The following WWOX variants were observed in gnomAD, a reference collection of about 807,000 sequenced individuals.
The protein encoded by WWOX is WW domain containing oxidoreductase.
In WWOX, 69 loss-of-function variants were observed where a neutral mutation model predicts 46.2. The ratio of observed to expected loss-of-function variants is 1.49; its 90% CI spans 1.23 to 1.82. WWOX has a LOEUF of 1.82. WWOX is among the 40% of genes most tolerant of loss of function. WWOX has a pLI of 0.00. For synonymous variants in WWOX, 359 were observed against 202.6 expected (o/e 1.77, Z -6.56); for missense variants, 919 against 542.6 (o/e 1.69, Z -6.89).
At chr16:78,770,895 A>C (rs1325779685) in intron 8 of WWOX, among the ~76,000 whole-genome samples, 1 of 152,232 alleles carries the variant, frequency 6.6e-6, no homozygotes, top group Admixed American at 6.5e-5. Flanking sequence ...GCTATGGGAA[A>C]ATAGGCAGAG....
intron 8 of WWOX, among the ~76,000 whole-genome samples, chr16:78,638,171 T>C (rs557734510): frequency 6.6e-6 from 1 of 152,322 alleles, no homozygotes; most frequent in South Asian, 2.1e-4. Context: ...TTATTTTACA[T>C]GACAGTTTAA....
At chr16:78,664,518 G>C (rs2047286292) in intron 8 of WWOX, among the ~76,000 whole-genome samples, 1 of 152,194 alleles carries the variant, frequency 6.6e-6, no homozygotes, top group African/African-American at 2.4e-5. Flanking sequence ...CCTCTCACTA[G>C]CAGGGATTCC....
chr16:78,211,326 A>C (rs558226626), intron 5 of WWOX, among the ~76,000 whole-genome samples: 1 of 152,234 alleles, frequency 6.6e-6, no homozygotes, highest in East Asian at 1.9e-4. Flanking sequence ...GGCTTTGAAG[A>C]GCTCTTTTCA....
At chr16:78,926,364 C>T (rs2045497922) in intron 8 of WWOX, among the ~76,000 whole-genome samples, 1 of 72,688 alleles carries the variant, frequency 1.4e-5, no homozygotes, top group Non-Finnish European at 2.6e-5. Context: ...CAGTGAGACC[C>T]TATCTCAAAA....
chr16:78,361,645 C>T (rs1211582359), intron 5 of WWOX, among the ~76,000 whole-genome samples: 2 of 152,038 alleles, frequency 1.3e-5, no homozygotes, highest in African/African-American at 2.4e-5. Flanking sequence ...AAGTTTCACT[C>T]CTGTCGCCCA....
intron 8 of WWOX, among the ~76,000 whole-genome samples, chr16:78,710,204 C>G (rs1350260423): frequency 6.6e-6 from 1 of 151,874 alleles, no homozygotes; most frequent in South Asian, 2.1e-4. Flanking sequence ...TCAAATCACC[C>G]AGTGGCGTGC....
chr16:78,464,642 G>C (rs1270707635), intron 8 of WWOX, among the ~76,000 whole-genome samples: 1 of 152,120 alleles, frequency 6.6e-6, no homozygotes, highest in Non-Finnish European at 1.5e-5. Context: ...GTCTGCTTTT[G>C]CCCCTCTGTA....
intron 8 of WWOX, among the ~76,000 whole-genome samples, chr16:79,132,983 G>A (rs1041019869): frequency 6.6e-6 from 1 of 152,148 alleles, no homozygotes; most frequent in African/African-American, 2.4e-5. Flanking sequence ...CTGTCACTTG[G>A]ATCTTACCAG....
chr16:79,142,677 A>G (rs2050112508), intron 8 of WWOX, among the ~76,000 whole-genome samples: 2 of 152,156 alleles, frequency 1.3e-5, no homozygotes, highest in Non-Finnish European at 2.9e-5. Flanking sequence ...AAATATAAGA[A>G]GTGCCTGGAT....
Position 78,862,055 on chromosome 16 carries a change from G to T in WWOX, c.1057-349553G>T, listed in dbSNP as rs143772857. On this transcript the variant is annotated intron_variant, in intron 8 of 8. Coordinates refer to ENST00000566780, the MANE Select transcript of WWOX (RefSeq NM_016373.4). ...CACACATGTATCTATTATATATATA[G>T]AGAGAGATATATGCATATCTATACA... 3.1e-3 allele frequency among the ~76,000 whole-genome samples: 434 copies of T among 140,300 alleles called. 1 individual carries two copies. Among genetic ancestry groups the T allele is most frequent in the Middle Eastern group, 7.6e-3 (2 of 264 alleles). The allele number at this position is 140,300 out of a possible 152,430, so 92.0% of individuals were successfully genotyped here.
intron 8 of WWOX, among the ~76,000 whole-genome samples, chr16:78,613,307 C>G (rs141404971): frequency 1.3e-5 from 2 of 152,188 alleles, no homozygotes; most frequent in East Asian, 3.9e-4. Flanking sequence ...TATGGAAGCC[C>G]CAGTGTGTTC....
chr16:78,379,175 C>G (rs781035283), intron 5 of WWOX, among the ~76,000 whole-genome samples: 13 of 152,146 alleles, frequency 8.5e-5, no homozygotes, highest in Admixed American at 2.0e-4. Context: ...ATTTTTGTTG[C>G]TTTTATGATC....
At chr16:79,071,604 T>C (rs2048552681) in intron 8 of WWOX, among the ~76,000 whole-genome samples, 1 of 152,230 alleles carries the variant, frequency 6.6e-6, no homozygotes. Flanking sequence ...TCCTGTCCCA[T>C]TACACGCTCA....
At chr16:78,832,540 A>G (rs372612514) in intron 8 of WWOX, among the ~76,000 whole-genome samples, 11 of 152,126 alleles carry the variant, frequency 7.2e-5, no homozygotes, top group East Asian at 1.9e-4. Flanking sequence ...GCCACTCCAC[A>G]CACCCTGACT....
At chr16:79,162,747 A>T (rs1167965515) in intron 8 of WWOX, among the ~76,000 whole-genome samples, 1 of 152,198 alleles carries the variant, frequency 6.6e-6, no homozygotes, top group Non-Finnish European at 1.5e-5. Context: ...ACAAAAGGGC[A>T]TCCTGCAAAT....
chr16:79,106,342 G>C (rs1179421718), intron 8 of WWOX, among the ~76,000 whole-genome samples: 1 of 152,174 alleles, frequency 6.6e-6, no homozygotes, highest in African/African-American at 2.4e-5. Flanking sequence ...TCAGGTGAAA[G>C]AATCTTTGGC....
intron 5 of WWOX, among the ~76,000 whole-genome samples, chr16:78,269,447 G>A (rs917874019): frequency 2.6e-5 from 4 of 152,148 alleles, no homozygotes; most frequent in Admixed American, 1.3e-4. Context: ...AGCCATTCTG[G>A]TTTGACTGTG....
Position 78,226,874 on chromosome 16 carries a change from G to A in WWOX, c.516+62585G>A, listed in dbSNP as rs910084432. ...GATTTCATCCAGATAGATTCATAGC[G>A]CTTCCAGTAAATGCACCCCTTGCCT... On this transcript the variant is annotated intron_variant, in intron 5 of 8. Transcript: ENST00000566780. Among the ~76,000 whole-genome samples, 23 of 152,246 alleles carry A rather than the reference G, an allele frequency of 1.5e-4. 1 individual carries two copies. The highest frequency in any genetic ancestry group is 9.6e-4 in the East Asian group (5 of 5,182).
chr16:78,436,583 G>A (rs980921058), intron 8 of WWOX, among the ~76,000 whole-genome samples: 4 of 152,190 alleles, frequency 2.6e-5, no homozygotes, highest in Non-Finnish European at 5.9e-5. Context: ...TCTATATTAG[G>A]TTGATACAGA....
Sources: gnomAD v4.1 joint callset for allele counts (sites outside exome capture counted in the v4.1 genomes callset) on GRCh38, gnomAD v4.1.1 for gene constraint, MANE v1.5 for transcripts, NCBI Gene and HGNC (gene_info 2026-07-23, HGNC 2026-07-21) for gene names.